Variants in PTRH1 observed in about 807,000 individuals in gnomAD.
The protein encoded by PTRH1 is peptidyl-tRNA hydrolase 1 homolog, also known as peptidyl-tRNA hydrolase.
A neutral mutation model predicts 15.7 loss-of-function variants in PTRH1; 13 were observed. That is an observed-to-expected ratio of 0.83 (90% CI 0.54 to 1.31). The LOEUF is 1.31. PTRH1 is among the 40% of genes most tolerant of loss of function. The probability of loss-of-function intolerance (pLI) is 0.00; values close to 1 mark genes in which losing one functional copy is unlikely to be tolerated. For missense variants in PTRH1, 319 were observed against 296.2 expected, an observed-to-expected ratio of 1.08 and a Z score of -0.56; for synonymous variants, 139 against 136.7, an observed-to-expected ratio of 1.02 and a Z score of -0.12.
rs552558433 is a variant in PTRH1, at chr9:127,706,534, T to C, written c.205+8901A>G. Among the ~76,000 whole-genome samples, 547 of 152,080 alleles carry C rather than the reference T, an allele frequency of 3.6e-3. 5 individuals carry two copies. The highest frequency in any genetic ancestry group is 4.8e-3 in the Non-Finnish European group (323 of 67,974). ...GGCACACAGGCATGGCTGGCTGAGA[T>C]TGGGGCTGGGGATGGAGCTCATAGA... is the stretch of plus-strand genomic sequence containing the variant. On this transcript the variant is annotated intron_variant, in intron 1 of 2. Coordinates refer to the PTRH1 transcript ENST00000335223.
At chr9:127,714,562 C>T in intron 3 of PTRH1, 41 bp downstream of exon 3, 1 of 1,597,924 alleles carries the variant, frequency 6.3e-7, no homozygotes, top group Non-Finnish European at 8.6e-7. Flanking sequence ...AACTGGGAGG[C>T]CTGAAGCCCT....
Position 127,714,635 on chromosome 9 carries a change from C to T in PTRH1, c.384G>A (p.Gly128=), listed in dbSNP as rs1025055928. Residue 128 remains glycine (G), a synonymous_variant, in exon 3 of 5, where the codon GGG becomes GGA. Transcript: ENST00000543175. ...TGCCCCCCAGCTTCAGAGCCAGTCTCCCCAGGGGCTTGTCCAGCTCATCAT... is the reference window on the plus strand; with the variant it reads ...TGCCCCCCAGCTTCAGAGCCAGTCTTCCCAGGGGCTTGTCCAGCTCATCAT... ...LVHDELDKPL[G]RLALKLGGSA... 8.7e-6 allele frequency: 14 copies of T among 1,613,868 alleles called. No homozygotes were observed. In the East Asian group the frequency reaches 1.1e-4, roughly 13 times the overall value.
chr9:127,709,037 C>T (rs1314498817), downstream of PTRH1, among the ~76,000 whole-genome samples: 1 of 152,212 alleles, frequency 6.6e-6, no homozygotes, highest in Non-Finnish European at 1.5e-5. The surrounding 1 kb of genome is among the most constrained non-coding windows in gnomAD (Gnocchi z 4.7). Context: ...TTCTGAGCCT[C>T]AGTTTCCTCA....
chr9:127,709,708 G>A (rs1336791472), downstream of PTRH1: 7 of 1,608,218 alleles, frequency 4.4e-6, no homozygotes, highest in Non-Finnish European at 5.9e-6. The surrounding 1 kb of genome is among the most constrained non-coding windows in gnomAD (Gnocchi z 4.7). Context: ...GGAGGGGACT[G>A]GCTGGTGAGC....
chr9:127,713,317 C>A, downstream of PTRH1: 1 of 824,540 alleles, frequency 1.2e-6, no homozygotes, highest in Non-Finnish European at 1.8e-6. Flanking sequence ...CCAGATCTCT[C>A]TGAGCCTTCC....
At chr9:127,711,098 C>T, downstream of PTRH1, 2 of 1,207,524 alleles carry the variant, frequency 1.7e-6, no homozygotes. Context: ...CCACCCATAG[C>T]CCCAACCCTC....
At chr9:127,709,390 A>G (rs1301449669), downstream of PTRH1, 1 of 1,603,394 alleles carries the variant, frequency 6.2e-7, no homozygotes, top group Admixed American at 1.7e-5. This position sits in a 1 kb window ranked among gnomAD's most constrained non-coding sequence, Gnocchi z 4.7. Context: ...GCCCAGCCTG[A>G]CCCCTGGACC....
chr9:127,701,688 G>A (rs552033183), intron 1 of PTRH1, among the ~76,000 whole-genome samples: 6 of 152,238 alleles, frequency 3.9e-5, no homozygotes, highest in East Asian at 3.9e-4. Context: ...CAAGGTGGGC[G>A]GATCACTTAA....
At chr9:127,707,222 G>A (rs1842666865) in intron 1 of PTRH1, 1 of 1,601,776 alleles carries the variant, frequency 6.2e-7, no homozygotes, top group African/African-American at 1.3e-5. Flanking sequence ...GGAGTCTGGT[G>A]CCCTGGGTCA....
downstream of PTRH1, chr9:127,712,177 A>G (rs978488547): frequency 1.2e-4 from 200 of 1,612,844 alleles, no homozygotes; most frequent in Non-Finnish European, 1.7e-4. Flanking sequence ...AAGGCTGTTG[A>G]CTCATCCCAG....
chr9:127,697,665 A>C (rs1328763844), intron 1 of PTRH1, among the ~76,000 whole-genome samples: 2 of 152,152 alleles, frequency 1.3e-5, no homozygotes, highest in Non-Finnish European at 2.9e-5. Flanking sequence ...TGTCTCAAAC[A>C]AAAACAAAAA....
intron 1 of PTRH1, among the ~76,000 whole-genome samples, chr9:127,708,747 A>G (rs1588389396): frequency 1.3e-5 from 2 of 152,358 alleles, no homozygotes; most frequent in Middle Eastern, 6.8e-3. Context: ...TCAGTGGGAC[A>G]AGGGCCAACT....
At position 127,715,512 on chromosome 9, in the gene PTRH1, G is replaced by A. The variant is rs755609594; in HGVS notation, c.96+32C>T. ...TGGCCGAACTGAAGCTAGGGACCGG[G>A]AGCCCCTACGTCGCCGCCCCACGCC... On this transcript the variant is annotated intron_variant, in intron 1 of 4. Transcript: ENST00000543175. The surrounding 1 kb of genome is among the most constrained non-coding windows in gnomAD (Gnocchi z 5.8). The A allele has an allele frequency of 3.7e-6, 6 of 1,612,888 alleles. No homozygotes were observed. Among genetic ancestry groups the A allele is most frequent in the South Asian group, 1.1e-5 (1 of 91,064 alleles).
rs979091094 is a variant in PTRH1 at position 127,705,707 on chromosome 9, C to T, written c.205+9728G>A. Among the ~76,000 whole-genome samples the T allele has an allele frequency of 2.0e-4, 31 of 152,188 alleles. No homozygotes were observed. The highest frequency in any genetic ancestry group is 4.8e-4 in the African/African-American group (20 of 41,438). On this transcript the variant is annotated intron_variant, in intron 1 of 2. Coordinates refer to the PTRH1 transcript ENST00000335223. The surrounding 1 kb of genome is among the most constrained non-coding windows in gnomAD (Gnocchi z 4.7). ...GCTCCTGTGGGAGCAGCTGTTCAGG[C>T]GGGGGAGGGGGCAATGTCCAGCAGG...
chr9:127,711,296 C>G, downstream of PTRH1: 4 of 1,614,146 alleles, frequency 2.5e-6, no homozygotes, highest in Non-Finnish European at 3.4e-6. Context: ...GACCACGAAC[C>G]GGATGTGGGA....
Position 127,713,962 on chromosome 9 carries a change from A to T in PTRH1, c.*138T>A. 1 of 1,584,484 alleles carries T rather than the reference A, an allele frequency of 6.3e-7. No individual in the cohort carries two copies. The highest frequency in any genetic ancestry group is 2.2e-5 in the East Asian group (1 of 44,714). ...GACTGGTCCAGTCACAGTCACCCCC[A>T]CTTTAATCCGCAGGCAGCCTGGAAC... is the stretch of plus-strand genomic sequence containing the variant. On this transcript the variant is annotated 3_prime_UTR_variant, in exon 5 of 5. Coordinates refer to ENST00000543175, the MANE Select transcript of PTRH1 (RefSeq NM_001002913.3).
chr9:127,708,350 G>A (rs950814291), intron 1 of PTRH1, among the ~76,000 whole-genome samples: 12 of 152,148 alleles, frequency 7.9e-5, no homozygotes, highest in East Asian at 1.9e-4. Context: ...GGTGGCGGGC[G>A]CCTGTAATCC....
chr9:127,713,216 C>T (rs1202462246), downstream of PTRH1: 2 of 1,514,990 alleles, frequency 1.3e-6, no homozygotes, highest in Non-Finnish European at 1.8e-6. Context: ...GGTGAGGGTG[C>T]CAGGGGCCCC....
chr9:127,715,259 C>G lies in PTRH1; in HGVS notation c.97-65G>C. The G allele has an allele frequency of 1.3e-6, 2 of 1,485,452 alleles. No homozygotes were observed. The highest frequency in any genetic ancestry group is 2.4e-5 in the South Asian group (2 of 82,984). 92.0% of individuals were successfully genotyped at this position (1,485,452 alleles called of 1,614,324 possible). On this transcript the variant is annotated intron_variant, in intron 1 of 4. Transcript: ENST00000543175. The surrounding 1 kb of genome is among the most constrained non-coding windows in gnomAD (Gnocchi z 5.8). ...CGCCACCCCCGATCTCACAGCGTCCCGTGGGCCCCAACGCAGAGGAGCGGA... is the reference window on the plus strand; with the variant it reads ...CGCCACCCCCGATCTCACAGCGTCCGGTGGGCCCCAACGCAGAGGAGCGGA...
Sources: allele counts gnomAD v4.1 joint callset (sites outside exome capture counted in the v4.1 genomes callset), GRCh38; gene constraint gnomAD v4.1.1; non-coding constraint Gnocchi (gnomAD v3.1); transcripts MANE v1.5; gene names NCBI Gene and HGNC (gene_info 2026-07-23, HGNC 2026-07-21).